Variants in TK2 observed in about 807,000 individuals in gnomAD.
TK2 encodes thymidine kinase 2, mitochondrial.
TK2 carries 35 observed loss-of-function variants against 41.9 expected under a neutral mutation model. The observed-to-expected ratio is 0.84, with a 90% CI of 0.64 to 1.11. The LOEUF (loss-of-function observed/expected upper bound fraction) is 1.11, where lower values mean the gene tolerates loss of function less well. Ranked by LOEUF, TK2 falls within the 50% of genes least tolerant of loss-of-function variation. The pLI is 0.00. For synonymous variants in TK2, 128 were observed against 129.1 expected, an observed-to-expected ratio of 0.99 and a Z score of 0.06; for missense variants, 320 against 351.1, an observed-to-expected ratio of 0.91 and a Z score of 0.71.
chr16:66,528,276 C>T (rs982601474), intron 6 of TK2, among the ~76,000 whole-genome samples: 3 of 152,132 alleles, frequency 2.0e-5, no homozygotes, highest in African/African-American at 7.2e-5. Flanking sequence ...CCCTAGAAAT[C>T]GGCAGTCTCT....
intron 1 of TK2, chr16:66,549,629 A>G (rs1965721427): frequency 2.6e-6 from 3 of 1,170,430 alleles, no homozygotes; most frequent in Non-Finnish European, 3.2e-6. Flanking sequence ...ATCGCCCCCA[A>G]GGTCGAAAGA....
At chr16:66,529,297 C>A (rs970144162) in intron 5 of TK2, among the ~76,000 whole-genome samples, 1 of 152,350 alleles carries the variant, frequency 6.6e-6, no homozygotes, top group South Asian at 2.1e-4. Flanking sequence ...GCCCCACACC[C>A]CAAAGCTGCA....
In TK2 at chr16:66,549,956, G is replaced by T; in HGVS notation, c.106C>A (p.Arg36Ser). 1 of 1,448,716 alleles carries T rather than the reference G, an allele frequency of 6.9e-7. No individual in the cohort carries two copies. Among genetic ancestry groups the T allele is most frequent in the Non-Finnish European group, 9.0e-7 (1 of 1,112,464 alleles). The allele number at this position is 1,448,716 out of a possible 1,614,324, so 89.7% of individuals were successfully genotyped here. A position where few individuals can be genotyped will look rare whatever the true frequency, so the allele number is the denominator to read the frequency against. ...ASGPGPRRVQ[R>S]RAWPPDKEQE... ...GCGTTACCGGGAGGCCAGGCCCGGCGCTGCACCCTCCGCGGCCCGGGGCCT... is the reference window on the plus strand; with the variant it reads ...GCGTTACCGGGAGGCCAGGCCCGGCTCTGCACCCTCCGCGGCCCGGGGCCT... The change falls in exon 1 of 10, where the codon CGC becomes AGC. Residue 36 changes from arginine to serine, a missense_variant. Transcript: ENST00000544898.
chr16:66,540,949 TTACAAA>T (rs1965438640), intron 3 of TK2, among the ~76,000 whole-genome samples: 1 of 152,244 alleles, frequency 6.6e-6, no homozygotes, highest in South Asian at 2.1e-4. Context: ...TACACTTATT[TTACAAA>T]TACAAACAGT....
rs1964399797 is a variant in TK2, at chr16:66,509,868, TGCAAGC to T, written c.*2094_*2099del. ...TGCCGCAGAGGGACAGCAGCCCTTG[TGCAAGC>T]TGGCTTCAGCCGTTTCAGGTGTGGT... On this transcript the variant is annotated 3_prime_UTR_variant, in exon 10 of 10. Coordinates refer to ENST00000544898, the MANE Select transcript of TK2 (RefSeq NM_004614.5). 1 of 152,688 alleles carries T rather than the reference TGCAAGC, an allele frequency of 6.5e-6. No individual in the cohort carries two copies. The highest frequency in any genetic ancestry group is 1.5e-5 in the Non-Finnish European group (1 of 68,380). 9.5% of individuals were successfully genotyped at this position (152,688 alleles called of 1,614,324 possible). A position where few individuals can be genotyped will look rare whatever the true frequency, so the allele number is the denominator to read the frequency against.
At chr16:66,522,633 G>A (rs1964814452) in intron 6 of TK2, among the ~76,000 whole-genome samples, 1 of 152,202 alleles carries the variant, frequency 6.6e-6, no homozygotes, top group Non-Finnish European at 1.5e-5. Flanking sequence ...TTGGCAGGCT[G>A]AGGCAGGCAG....
chr16:66,538,020 G>A (rs751932182), intron 3 of TK2, among the ~76,000 whole-genome samples: 6 of 152,024 alleles, frequency 3.9e-5, no homozygotes, highest in East Asian at 1.9e-4. Context: ...AAAATTAGCC[G>A]GATGTAGTGG....
intron 2 of TK2, among the ~76,000 whole-genome samples, chr16:66,542,843 C>T (rs1965497802): frequency 6.6e-6 from 1 of 152,214 alleles, no homozygotes; most frequent in Non-Finnish European, 1.5e-5. Flanking sequence ...AATTACACCA[C>T]AATCTCTGGG....
chr16:66,543,410 G>A (rs1567540221), intron 2 of TK2, among the ~76,000 whole-genome samples: 1 of 152,224 alleles, frequency 6.6e-6, no homozygotes, highest in Non-Finnish European at 1.5e-5. Flanking sequence ...TGCTCAGCCA[G>A]GCACTGCTGA....
At chr16:66,524,644 C>T (rs1964877005) in intron 6 of TK2, among the ~76,000 whole-genome samples, 1 of 152,288 alleles carries the variant, frequency 6.6e-6, no homozygotes, top group Admixed American at 6.5e-5. Context: ...GGCCCTGCCA[C>T]CTTCTTCTGA....
intron 1 of TK2, 116 bp downstream of exon 1, chr16:66,549,822 G>A (rs1965731341): frequency 2.3e-5 from 29 of 1,286,662 alleles, no homozygotes; most frequent in African/African-American, 9.3e-5. Flanking sequence ...AGCCGGGGAG[G>A]AAATCCCGCG....
At chr16:66,541,441 T>C (rs904909152) in intron 3 of TK2, among the ~76,000 whole-genome samples, 1 of 152,254 alleles carries the variant, frequency 6.6e-6, no homozygotes, top group Non-Finnish European at 1.5e-5. Context: ...TTTTCTTTTT[T>C]TGAGACAGGG....
chr16:66,528,197 C>T (rs919855712), intron 6 of TK2, among the ~76,000 whole-genome samples: 16 of 152,188 alleles, frequency 1.1e-4, no homozygotes, highest in Admixed American at 6.5e-4. Context: ...AACAGCTCTG[C>T]GAGGGAAGGA....
chr16:66,549,861 G>T, intron 1 of TK2, 77 bp downstream of exon 1: 7 of 1,287,336 alleles, frequency 5.4e-6, no homozygotes, highest in Non-Finnish European at 5.9e-6. Context: ...GGGCTCGGGC[G>T]GGTTCCGGAA....
intron 2 of TK2, chr16:66,548,577 GC>G (rs1965679433): frequency 4.1e-6 from 1 of 245,482 alleles, no homozygotes; most frequent in African/African-American, 2.3e-5. Flanking sequence ...CTGATCCCCT[GC>G]CCACCCACCA....
intron 6 of TK2, among the ~76,000 whole-genome samples, chr16:66,522,075 C>T (rs114157894): frequency 0.063 from 9,608 of 152,174 alleles, 995 homozygotes; most frequent in African/African-American, 0.22. Context: ...AAGTGAAGGC[C>T]AACTCTGTCT....
In TK2 at chr16:66,514,408, G is replaced by C. The variant is rs1215225205; in HGVS notation, c.619-597C>G. Among the ~76,000 whole-genome samples the C allele has an allele frequency of 2.6e-5, 4 of 152,226 alleles. No individual in the cohort carries two copies. The highest frequency in any genetic ancestry group is 1.9e-4 in the East Asian group (1 of 5,196). ...GGTGCCGGGATTGCAGACGGAGTCT[G>C]GTTCACTCAGTGCTCAATGTTGCCC... On this transcript the variant is annotated intron_variant, in intron 8 of 9. Transcript: ENST00000544898. This position sits in a 1 kb window ranked among gnomAD's most constrained non-coding sequence, Gnocchi z 4.2.
chr16:66,511,471 G>A lies in TK2; in HGVS notation c.*497C>T. 1 of 245,848 alleles carries A rather than the reference G, an allele frequency of 4.1e-6. No individual in the cohort carries two copies. Among genetic ancestry groups the A allele is most frequent in the East Asian group, 1.1e-4 (1 of 9,410 alleles). The allele number at this position is 245,848 out of a possible 1,614,324, so 15.2% of individuals were successfully genotyped here. ...CTCAGGAGGAGGCAGCCCAGGGCAA[G>A]GGAAAGTTGCTGAGTCGGCTGAAAG... On this transcript the variant is annotated 3_prime_UTR_variant, in exon 10 of 10. Coordinates refer to ENST00000544898, the MANE Select transcript of TK2 (RefSeq NM_004614.5).
chr16:66,535,205 C>T (rs1396630480), intron 4 of TK2, among the ~76,000 whole-genome samples: 1 of 152,152 alleles, frequency 6.6e-6, no homozygotes, highest in South Asian at 2.1e-4. Context: ...ACAAAAGTAT[C>T]GATCTTTCTT....
Sources: allele counts gnomAD v4.1 joint callset (sites outside exome capture counted in the v4.1 genomes callset), GRCh38; gene constraint gnomAD v4.1.1; non-coding constraint Gnocchi (gnomAD v3.1); transcripts MANE v1.5; gene names NCBI Gene and HGNC (gene_info 2026-07-23, HGNC 2026-07-21).